The following ATP1A1 variants were observed in gnomAD, a reference collection of about 807,000 sequenced individuals.
The protein encoded by ATP1A1 is ATPase Na+/K+ transporting subunit alpha 1.
A neutral mutation model predicts 114.8 loss-of-function variants in ATP1A1; 14 were observed. The observed-to-expected ratio is 0.12, with a 90% CI of 0.08 to 0.19. The LOEUF is 0.19. Ranked by LOEUF, ATP1A1 falls within the 10% of genes least tolerant of loss-of-function variation. ATP1A1 has a pLI of 1.00. For missense variants in ATP1A1, 524 were observed against 1,290.7 expected (o/e 0.41, Z 9.10); for synonymous variants, 471 against 466.3 (o/e 1.01, Z -0.13).
chr1:116,396,475 ATTCCT>A (rs1178499214), intron 13 of ATP1A1, 118 bp from the exon 14 acceptor site: 20 of 1,245,766 alleles, frequency 1.6e-5, no homozygotes, highest in Non-Finnish European at 1.8e-5. Context: ...TTATATTTGC[ATTCCT>A]TTCCTTTTGA....
chr1:116,394,013 A>C (rs1224276161), intron 12 of ATP1A1, among the ~76,000 whole-genome samples: 1 of 152,236 alleles, frequency 6.6e-6, no homozygotes, highest in Non-Finnish European at 1.5e-5. Context: ...TTGTTTAAAA[A>C]AAAAAATGGT....
At chr1:116,379,888 A>G (rs760314982) in intron 1 of ATP1A1, among the ~76,000 whole-genome samples, 7 of 152,256 alleles carry the variant, frequency 4.6e-5, no homozygotes, top group Non-Finnish European at 4.4e-5. Flanking sequence ...GTCAGAGTCC[A>G]TCACACAACT....
chr1:116,395,028 T>A lies in ATP1A1; in HGVS notation c.1661-82T>A. On this transcript the variant is annotated intron_variant, in intron 12 of 22. Coordinates refer to ENST00000295598, the MANE Select transcript of ATP1A1 (RefSeq NM_000701.8). This position sits in a 1 kb window ranked among gnomAD's most constrained non-coding sequence, Gnocchi z 6.4. ...CCAAAGTAAACACTCCAGAGAAAGG[T>A]AGGCGGGCTGAATAGGCTGCTGTTG... 7.1e-7 allele frequency: 1 copy of A among 1,414,732 alleles called. No individual in the cohort carries two copies. The highest frequency in any genetic ancestry group is 9.6e-7 in the Non-Finnish European group (1 of 1,041,424). 87.6% of individuals were successfully genotyped at this position (1,414,732 alleles called of 1,614,324 possible).
At chr1:116,394,994 A>T in intron 12 of ATP1A1, 116 bp from the exon 13 acceptor site, 1 of 1,051,328 alleles carries the variant, frequency 9.5e-7, no homozygotes, top group Non-Finnish European at 1.4e-6. Flanking sequence ...TATAGACTTT[A>T]AAAATTTTCC....
chr1:116,398,075 A>T lies in ATP1A1; in HGVS notation c.2124+37A>T, dbSNP rs375599371. 17 of 1,609,618 alleles carry T rather than the reference A, an allele frequency of 1.1e-5. No homozygotes were observed. Among genetic ancestry groups the T allele is most frequent in the Non-Finnish European group, 1.4e-5 (16 of 1,177,678 alleles). ...CAAGGATCAGGCTGCTTTGGGCACTATTGGCTTTAGGGATTGGAGTTCCAG... is the reference window on the plus strand; with the variant it reads ...CAAGGATCAGGCTGCTTTGGGCACTTTTGGCTTTAGGGATTGGAGTTCCAG... On this transcript the variant is annotated intron_variant, in intron 15 of 22. Coordinates refer to ENST00000295598, the MANE Select transcript of ATP1A1 (RefSeq NM_000701.8). This position sits in a 1 kb window ranked among gnomAD's most constrained non-coding sequence, Gnocchi z 6.1.
At chr1:116,377,660 C>T (rs542358970) in intron 1 of ATP1A1, among the ~76,000 whole-genome samples, 1 of 152,326 alleles carries the variant, frequency 6.6e-6, no homozygotes, top group African/African-American at 2.4e-5. Flanking sequence ...TTTCGGCCTT[C>T]TGTGATGAGA....
At chr1:116,396,543 C>T in intron 13 of ATP1A1, 55 bp from the exon 14 acceptor site, 1 of 1,604,236 alleles carries the variant, frequency 6.2e-7, no homozygotes, top group Admixed American at 1.7e-5. Flanking sequence ...GGATATAAGA[C>T]TTTAAGGTCA....
At position 116,393,288 on chromosome 1, in the gene ATP1A1, T is replaced by G. The variant is rs1454675586; in HGVS notation, c.1468-243T>G. Among the ~76,000 whole-genome samples the G allele has an allele frequency of 3.3e-5, 5 of 151,980 alleles. No individual in the cohort carries two copies. The highest frequency in any genetic ancestry group is 7.4e-5 in the Non-Finnish European group (5 of 67,980). On this transcript the variant is annotated intron_variant, in intron 11 of 22. Coordinates refer to ENST00000295598, the MANE Select transcript of ATP1A1 (RefSeq NM_000701.8). The surrounding 1 kb of genome is among the most constrained non-coding windows in gnomAD (Gnocchi z 5.0). ...GTTCCCCAATCCCTGTGTTCTGAAA[T>G]TTCGTATGTTCTTTTTTAATGTGAA...
At chr1:116,403,793 T>G (rs939530001) in intron 21 of ATP1A1, 91 bp from the exon 22 acceptor site, 7 of 1,122,760 alleles carry the variant, frequency 6.2e-6, no homozygotes, top group Non-Finnish European at 7.8e-6. Flanking sequence ...TCAGGCTGAT[T>G]ATTTCATTGT....
At chr1:116,396,379 C>G (rs1652933347) in intron 13 of ATP1A1, among the ~76,000 whole-genome samples, 1 of 145,986 alleles carries the variant, frequency 6.8e-6, no homozygotes, top group Admixed American at 7.0e-5. Flanking sequence ...TGATTGTATA[C>G]CAAGATAAAA....
rs1570945204 is a variant in ATP1A1, at chr1:116,381,212, C to T, written c.13-2802C>T. On this transcript the variant is annotated intron_variant, in intron 1 of 22. Coordinates refer to ENST00000295598, the MANE Select transcript of ATP1A1 (RefSeq NM_000701.8). This position sits in a 1 kb window ranked among gnomAD's most constrained non-coding sequence, Gnocchi z 5.1. ...AGGAAATGCCGTATTTATCATTCAC[C>T]CTTCCCATGACCTTTGTTTTTCCCT... Among the ~76,000 whole-genome samples, 1 of 152,152 alleles carries T rather than the reference C, an allele frequency of 6.6e-6. No homozygotes were observed. Among genetic ancestry groups the T allele is most frequent in the African/African-American group, 2.4e-5 (1 of 41,420 alleles).
chr1:116,374,372 TA>T (rs1453631938), intron 1 of ATP1A1: 1 of 1,361,532 alleles, frequency 7.3e-7, no homozygotes, highest in African/African-American at 1.5e-5. Flanking sequence ...TGAAGGAGGA[TA>T]GGCAGACCCA....
At chr1:116,377,256 T>G (rs1000050482) in intron 1 of ATP1A1, among the ~76,000 whole-genome samples, 1 of 152,210 alleles carries the variant, frequency 6.6e-6, no homozygotes, top group South Asian at 2.1e-4. Flanking sequence ...ATGTTCTGTT[T>G]ATGGAAGGAG....
Position 116,398,101 on chromosome 1 carries a change from T to A in ATP1A1, c.2124+63T>A. The A allele has an allele frequency of 1.9e-6, 3 of 1,591,654 alleles. No individual in the cohort carries two copies. The highest frequency in any genetic ancestry group is 3.7e-4 in the Middle Eastern group (2 of 5,350). On this transcript the variant is annotated intron_variant, in intron 15 of 22. Transcript: ENST00000295598. This position sits in a 1 kb window ranked among gnomAD's most constrained non-coding sequence, Gnocchi z 6.1. ...TTGGCTTTAGGGATTGGAGTTCCAG[T>A]GGAAACAGAGCAACGGTGATGGATG...
Position 116,401,142 on chromosome 1 carries a change from A to C in ATP1A1, c.2731A>C (p.Arg911=). ...TTCTGCATTTCAGACCTATGAGCAGAGGAAAATCGTGGAGTTCACCTGCCA... is the reference window on the plus strand; with the variant it reads ...TTCTGCATTTCAGACCTATGAGCAGCGGAAAATCGTGGAGTTCACCTGCCA... ...SYGQQWTYEQ[R]KIVEFTCHTA... is the part of the protein sequence containing the mutation. The change falls in exon 20 of 23, where the codon AGG becomes CGG. Residue 911 remains arginine, a synonymous_variant. Transcript: ENST00000295598. This position sits in a 1 kb window ranked among gnomAD's most constrained non-coding sequence, Gnocchi z 4.7. The C allele has an allele frequency of 1.9e-6, 3 of 1,614,204 alleles. No homozygotes were observed. The highest frequency in any genetic ancestry group is 2.5e-6 in the Non-Finnish European group (3 of 1,180,028).
rs773380582 is a variant in ATP1A1, at chr1:116,389,424, C to G, written c.755-15C>G. 20 of 1,613,260 alleles carry G rather than the reference C, an allele frequency of 1.2e-5. No homozygotes were observed. In the South Asian group the frequency reaches 2.2e-4, roughly 18 times the overall value. ...GATACAATTAGGTACAGTTCTCCCT[C>G]CCCTTCTTTTTAAGGCACCGCACGT... On this transcript the variant is annotated splice_polypyrimidine_tract_variant and intron_variant, in intron 7 of 22. Transcript: ENST00000295598. This position sits in a 1 kb window ranked among gnomAD's most constrained non-coding sequence, Gnocchi z 6.9.
intron 10 of ATP1A1, 38 bp from the exon 11 acceptor site, chr1:116,392,816 T>C (rs776047291): frequency 6.3e-7 from 1 of 1,582,780 alleles, no homozygotes; most frequent in South Asian, 1.1e-5. Flanking sequence ...CAGTGAAATT[T>C]TTTGGAGATA....
Position 116,397,813 on chromosome 1 carries a change from AT to A in ATP1A1, c.1974-74del, listed in dbSNP as rs981285740. 2 of 1,513,136 alleles carry A rather than the reference AT, an allele frequency of 1.3e-6. No individual in the cohort carries two copies. Among genetic ancestry groups the A allele is most frequent in the African/African-American group, 2.8e-5 (2 of 71,152 alleles). 93.7% of individuals were successfully genotyped at this position (1,513,136 alleles called of 1,614,324 possible). On this transcript the variant is annotated intron_variant, in intron 14 of 22. Coordinates refer to ENST00000295598, the MANE Select transcript of ATP1A1 (RefSeq NM_000701.8). The surrounding 1 kb of genome is among the most constrained non-coding windows in gnomAD (Gnocchi z 4.2). ...TTTACAAAGTGATCTGCATAAGAAT[AT>A]CCCCTCTTGAGGTGATGGACACATG...
chr1:116,375,986 A>C (rs139624628), intron 1 of ATP1A1, among the ~76,000 whole-genome samples: 1 of 152,314 alleles, frequency 6.6e-6, no homozygotes, highest in African/African-American at 2.4e-5. Flanking sequence ...TTCCTGGATG[A>C]AATAGGATTT....
Sources: gnomAD v4.1 joint callset for allele counts (sites outside exome capture counted in the v4.1 genomes callset) on GRCh38, gnomAD v4.1.1 for gene constraint, Gnocchi (gnomAD v3.1) non-coding constraint, MANE v1.5 for transcripts, NCBI Gene and HGNC (gene_info 2026-07-23, HGNC 2026-07-21) for gene names.